The following ADAMTSL3 variants were observed in gnomAD, a reference collection of about 807,000 sequenced individuals.
ADAMTSL3 encodes ADAMTS-like protein 3.
Under a neutral mutation model 201.7 loss-of-function variants are expected in ADAMTSL3, and 128 were observed. The observed-to-expected ratio is 0.63, with a 90% CI of 0.55 to 0.73. The LOEUF is 0.73. Among genes scored for constraint, ADAMTSL3 ranks in the 30% least tolerant of loss-of-function variants. ADAMTSL3 has a pLI of 0.00. For synonymous variants in ADAMTSL3, 738 were observed against 748.4 expected (o/e 0.99, Z 0.23); for missense variants, 1,990 against 2,119.6 (o/e 0.94, Z 1.20).
At chr15:83,961,494 T>C (rs2066968168) in intron 19 of ADAMTSL3, 1 of 152,218 alleles carries the variant, frequency 6.6e-6, no homozygotes, top group Admixed American at 6.5e-5. Context: ...CTGTGTAAGA[T>C]GCTGAACCTC....
intron 6 of ADAMTSL3, among the ~76,000 whole-genome samples, chr15:83,824,643 C>G (rs1267502082): frequency 6.6e-6 from 1 of 152,176 alleles, no homozygotes; most frequent in East Asian, 1.9e-4. Flanking sequence ...TTTCATCCCT[C>G]TCTCCTCGCT....
chr15:83,725,771 T>C (rs1364982444), intron 3 of ADAMTSL3, among the ~76,000 whole-genome samples: 1 of 152,176 alleles, frequency 6.6e-6, no homozygotes, highest in Non-Finnish European at 1.5e-5. Flanking sequence ...TTTATGGCAG[T>C]ACCATGATGT....
intron 17 of ADAMTSL3, among the ~76,000 whole-genome samples, chr15:83,928,366 A>G (rs2066287729): frequency 6.6e-6 from 1 of 152,202 alleles, no homozygotes; most frequent in South Asian, 2.1e-4. Context: ...AGAAGAAAAT[A>G]CAACCCAATA....
At chr15:83,708,395 T>A (rs894704483) in intron 3 of ADAMTSL3, among the ~76,000 whole-genome samples, 2 of 152,194 alleles carry the variant, frequency 1.3e-5, no homozygotes, top group African/African-American at 2.4e-5. Context: ...GTCTCCTGGG[T>A]TAGATGCCTG....
intron 13 of ADAMTSL3, among the ~76,000 whole-genome samples, chr15:83,895,831 A>C (rs2065602044): frequency 1.3e-5 from 2 of 152,166 alleles, no homozygotes; most frequent in Admixed American, 6.5e-5. Flanking sequence ...AATTTTCCAA[A>C]AACAGGGTAA....
chr15:84,000,919 T>C lies in ADAMTSL3; in HGVS notation c.3973+9705T>C, dbSNP rs566253473. Among the ~76,000 whole-genome samples, 5 of 152,306 alleles carry C rather than the reference T, an allele frequency of 3.3e-5. No individual in the cohort carries two copies. The East Asian group carries it at 5.8e-4, about 18-fold the overall frequency. ...CAGAATGTGAAGGGCTTTAATGTCA[T>C]GCTGAAACCGATGGACTTCATTTTA... On this transcript the variant is annotated intron_variant, in intron 23 of 29. Transcript: ENST00000286744.
intron 2 of ADAMTSL3, among the ~76,000 whole-genome samples, chr15:83,674,192 GT>G (rs2061362993): frequency 1.3e-5 from 2 of 150,924 alleles, no homozygotes; most frequent in South Asian, 4.2e-4. Context: ...TTTCTCCTAT[GT>G]TTTCTTCTAA....
At chr15:83,666,333 CAT>C (rs1378845248) in intron 2 of ADAMTSL3, among the ~76,000 whole-genome samples, 1 of 152,240 alleles carries the variant, frequency 6.6e-6, no homozygotes, top group East Asian at 1.9e-4. Flanking sequence ...TGTTAAGACA[CAT>C]AATTTTTGGG....
chr15:84,038,617 A>G lies in ADAMTSL3; in HGVS notation c.*811A>G, dbSNP rs1013892480. 6.5e-6 allele frequency: 1 copy of G among 152,688 alleles called. No homozygotes were observed. The highest frequency in any genetic ancestry group is 2.4e-5 in the African/African-American group (1 of 41,474). The allele number at this position is 152,688 out of a possible 1,614,324, so 9.5% of individuals were successfully genotyped here. On this transcript the variant is annotated 3_prime_UTR_variant, in exon 30 of 30. Coordinates refer to ENST00000286744, the MANE Select transcript of ADAMTSL3 (RefSeq NM_207517.3). Reference sequence around the variant, plus strand: ...TTCTATTGCACACAAACAGAAAACCAAAGCCTTATTAGACCTAATTTATGC... The same window carrying G: ...TTCTATTGCACACAAACAGAAAACCGAAGCCTTATTAGACCTAATTTATGC...
At chr15:83,794,934 C>T (rs2063399591) in intron 4 of ADAMTSL3, among the ~76,000 whole-genome samples, 1 of 152,074 alleles carries the variant, frequency 6.6e-6, no homozygotes, top group African/African-American at 2.4e-5. Context: ...CTCACTGCAA[C>T]CTCTGCCTCC....
chr15:83,802,394 T>C (rs531481167), intron 4 of ADAMTSL3, among the ~76,000 whole-genome samples: 12 of 152,250 alleles, frequency 7.9e-5, no homozygotes, highest in African/African-American at 2.9e-4. Context: ...TTTGTTACCA[T>C]AAAACCTGCA....
intron 16 of ADAMTSL3, among the ~76,000 whole-genome samples, chr15:83,915,158 A>G (rs1449735557): frequency 6.6e-6 from 1 of 152,226 alleles, no homozygotes; most frequent in East Asian, 1.9e-4. Flanking sequence ...AGCAGAAGCA[A>G]GCCCAGCTGT....
In ADAMTSL3 at chr15:84,037,991, T is replaced by C; in HGVS notation, c.*185T>C. The C allele has an allele frequency of 2.2e-6, 2 of 905,966 alleles. No homozygotes were observed. The highest frequency in any genetic ancestry group is 3.1e-6 in the Non-Finnish European group (2 of 636,912). The allele number at this position is 905,966 out of a possible 1,614,324, so 56.1% of individuals were successfully genotyped here. A position where few individuals can be genotyped will look rare whatever the true frequency, so the allele number is the denominator to read the frequency against. On this transcript the variant is annotated 3_prime_UTR_variant, in exon 30 of 30. Transcript: ENST00000286744. ...AAATTTTCCAATGGTAGTTTTATAT[T>C]CCAATTTTTTAAAATGATGTATTCA...
chr15:83,877,922 C>T (rs1387910932), intron 9 of ADAMTSL3, among the ~76,000 whole-genome samples: 2 of 151,878 alleles, frequency 1.3e-5, no homozygotes, highest in Non-Finnish European at 2.9e-5. Flanking sequence ...ACATTATATT[C>T]TTACTATATT....
chr15:83,822,791 G>A (rs1161530993), intron 6 of ADAMTSL3, among the ~76,000 whole-genome samples: 1 of 151,630 alleles, frequency 6.6e-6, no homozygotes, highest in African/African-American at 2.4e-5. Flanking sequence ...CCCAGATGGG[G>A]TGGCGGCCGG....
At chr15:83,865,996 G>C (rs2064967637) in intron 8 of ADAMTSL3, among the ~76,000 whole-genome samples, 1 of 152,244 alleles carries the variant, frequency 6.6e-6, no homozygotes, top group Admixed American at 6.5e-5. Flanking sequence ...GCAGCCAAAA[G>C]ACACATGAAA....
intron 3 of ADAMTSL3, among the ~76,000 whole-genome samples, chr15:83,728,166 C>T (rs146108727): frequency 2.0e-5 from 3 of 151,590 alleles, no homozygotes; most frequent in Admixed American, 6.6e-5. Context: ...ATTTTGTTTA[C>T]GTACAGCTAC....
intron 2 of ADAMTSL3, among the ~76,000 whole-genome samples, chr15:83,670,420 C>T (rs1411841934): frequency 4.6e-5 from 7 of 152,000 alleles, no homozygotes; most frequent in Non-Finnish European, 1.0e-4. Context: ...TCCTCTTAAT[C>T]CCCTAAGTCA....
intron 3 of ADAMTSL3, among the ~76,000 whole-genome samples, chr15:83,710,352 A>G (rs2061917266): frequency 6.6e-6 from 1 of 152,024 alleles, no homozygotes; most frequent in Non-Finnish European, 1.5e-5. Flanking sequence ...CTCATCTACC[A>G]TTGCTTTCAG....
Sources: allele counts gnomAD v4.1 joint callset (sites outside exome capture counted in the v4.1 genomes callset), GRCh38; gene constraint gnomAD v4.1.1; transcripts MANE v1.5; gene names NCBI Gene and HGNC (gene_info 2026-07-23, HGNC 2026-07-21).